Variants in CDSN observed in about 807,000 individuals in gnomAD.
CDSN encodes the protein corneodesmosin, also known as S protein.
CDSN carries 11 observed loss-of-function variants against 25.6 expected under a neutral mutation model. That is an observed-to-expected ratio of 0.43 (90% CI 0.27 to 0.71). The LOEUF is 0.71. Among genes scored for constraint, CDSN ranks in the 30% least tolerant of loss-of-function variants. The probability of loss-of-function intolerance (pLI) is 0.20; values close to 1 mark genes in which losing one functional copy is unlikely to be tolerated. For missense variants in CDSN, 598 were observed against 670.9 expected, an observed-to-expected ratio of 0.89 and a Z score of 1.20; for synonymous variants, 266 against 267.4, an observed-to-expected ratio of 0.99 and a Z score of 0.05.
rs1324622816 is a variant in CDSN, at chr6:31,115,204, G to T, written c.*821C>A. 1 of 303,474 alleles carries T rather than the reference G, an allele frequency of 3.3e-6. No individual in the cohort carries two copies. Among genetic ancestry groups the T allele is most frequent in the Non-Finnish European group, 6.4e-6 (1 of 156,332 alleles). The allele number at this position is 303,474 out of a possible 1,614,324, so 18.8% of individuals were successfully genotyped here. ...GAGGAACACAGAGACCTCTAGAGGCGTAGGAAGAGCACCACCCAGACTCTC... is the reference window on the plus strand; with the variant it reads ...GAGGAACACAGAGACCTCTAGAGGCTTAGGAAGAGCACCACCCAGACTCTC... On this transcript the variant is annotated 3_prime_UTR_variant, in exon 2 of 2. Coordinates refer to ENST00000376288, the MANE Select transcript of CDSN (RefSeq NM_001264.5). This position sits in a 1 kb window ranked among gnomAD's most constrained non-coding sequence, Gnocchi z 4.2.
Position 31,116,489 on chromosome 6 carries a change from C to T in CDSN, c.1126G>A (p.Gly376Arg). Residue 376 changes from glycine to arginine, a missense_variant, in exon 2 of 2, where the codon GGG (glycine) becomes AGG (arginine). By Grantham distance (125) the Gly-to-Arg change is moderately radical. Transcript: ENST00000376288. ...GAGCCGCCTCCACAGAGCTGGACCC[C>T]ACCAGTCCCCACTGGCTGGAATGCA... ...AIAFQPVGTGGVQLCGGGSTG... is the reference protein window; with the variant it reads ...AIAFQPVGTGRVQLCGGGSTG... The T allele has an allele frequency of 1.2e-6, 2 of 1,607,594 alleles. No individual in the cohort carries two copies. Among genetic ancestry groups the T allele is most frequent in the African/African-American group, 1.3e-5 (1 of 74,966 alleles).
chr6:31,118,089 CCAGA>C (rs1464318348), intron 1 of CDSN: 1 of 155,620 alleles, frequency 6.4e-6, no homozygotes, highest in Non-Finnish European at 1.4e-5. Context: ...AAATCCTGGG[CCAGA>C]CAGTGGGACC....
In CDSN at chr6:31,116,305, GA is replaced by G. The variant is rs1772115128; in HGVS notation, c.1309del (p.Ser437ProfsTer29). The G allele has an allele frequency of 6.2e-7, 1 of 1,613,968 alleles. No individual in the cohort carries two copies. Among genetic ancestry groups the G allele is most frequent in the Admixed American group, 1.7e-5 (1 of 60,000 alleles). On this transcript the variant is annotated frameshift_variant, in exon 2 of 2. Coordinates refer to ENST00000376288, the MANE Select transcript of CDSN (RefSeq NM_001264.5). LOFTEE classifies it high-confidence loss of function. ...GTGSFSSSSS[S>X]QSSGKIILQP... ...AAGGATGATTTTGCCACTGGATTGGGAACTGGAGCTGCTGCTGAAGGAGCCG... is the reference window on the plus strand; with the variant it reads ...AAGGATGATTTTGCCACTGGATTGGGACTGGAGCTGCTGCTGAAGGAGCCG...
Position 31,115,584 on chromosome 6 carries a change from G to A in CDSN, c.*441C>T, listed in dbSNP as rs1772065123. On this transcript the variant is annotated 3_prime_UTR_variant, in exon 2 of 2. Transcript: ENST00000376288. This position sits in a 1 kb window ranked among gnomAD's most constrained non-coding sequence, Gnocchi z 4.2. Reference sequence around the variant, plus strand: ...TGAAAAGTGGCCACTGTTTCCAGATGATGGTTTGACTTTGCTTTATTTGGT... The same window carrying A: ...TGAAAAGTGGCCACTGTTTCCAGATAATGGTTTGACTTTGCTTTATTTGGT... The A allele has an allele frequency of 5.4e-6, 1 of 185,114 alleles. No individual in the cohort carries two copies. Among genetic ancestry groups the A allele is most frequent in the Non-Finnish European group, 1.1e-5 (1 of 88,290 alleles). The allele number at this position is 185,114 out of a possible 1,614,324, so 11.5% of individuals were successfully genotyped here. A position where few individuals can be genotyped will look rare whatever the true frequency, so the allele number is the denominator to read the frequency against.
chr6:31,120,060 T>A (rs924850465), intron 1 of CDSN, among the ~76,000 whole-genome samples: 3 of 152,106 alleles, frequency 2.0e-5, no homozygotes, highest in Non-Finnish European at 4.4e-5. Context: ...CCACCACCAT[T>A]TATATAAACC....
rs747442990 is a variant in CDSN at position 31,116,946 on chromosome 6, GGGGATGTCCGAACTACA to G, written c.652_668del (p.Cys218ArgfsTer51). On this transcript the variant is annotated frameshift_variant, in exon 2 of 2. Coordinates refer to ENST00000376288, the MANE Select transcript of CDSN (RefSeq NM_001264.5). LOFTEE classifies it high-confidence loss of function. The stretch of plus-strand genomic sequence containing the variant: ...TGGGCCCTCCACTGCAGGGAGAGTC[GGGGATGTCCGAACTACA>G]GGGACGCTGGTTGGAGCTGACGCTT... 1.2e-6 allele frequency: 2 copies of G among 1,614,170 alleles called. No individual in the cohort carries two copies. The highest frequency in any genetic ancestry group is 1.7e-6 in the Non-Finnish European group (2 of 1,180,026).
chr6:31,116,761 G>A lies in CDSN; in HGVS notation c.854C>T (p.Pro285Leu). ...ATAGGATTTGTCTACAGAGGTGATT[G>A]GGGGACAGGGCTTGCCTGGAAGGCC... ...NGGLPGKPCP[P>L]ITSVDKSYGG... The change falls in exon 2 of 2, where the codon CCA (proline) becomes CTA (leucine). Residue 285 changes from proline (P) to leucine (L), a missense_variant. Transcript: ENST00000376288. 1 of 1,613,220 alleles carries A rather than the reference G, an allele frequency of 6.2e-7. No homozygotes were observed. The highest frequency in any genetic ancestry group is 8.5e-7 in the Non-Finnish European group (1 of 1,180,034).
chr6:31,117,754 G>A, intron 1 of CDSN: 1 of 578,574 alleles, frequency 1.7e-6, no homozygotes, highest in Non-Finnish European at 3.1e-6. Flanking sequence ...ACACCAACCA[G>A]AAAAATAGAA....
At position 31,117,492 on chromosome 6, in the gene CDSN, A is replaced by G. The variant is rs3132552; in HGVS notation, c.123T>C (p.Pro41=). The G allele has an allele frequency of 0.75, 1,164,874 of 1,551,300 alleles. 439,842 individuals are homozygous for G. The highest frequency in any genetic ancestry group is 0.9 in the African/African-American group (65,690 of 73,172). Residue 41 remains proline (P), a synonymous_variant, in exon 2 of 2, where the codon CCT becomes CCC. Coordinates refer to ENST00000376288, the MANE Select transcript of CDSN (RefSeq NM_001264.5). ...LAKSIGTFSD[P]CKDPTRITSP... is the part of the protein sequence containing the mutation. The stretch of plus-strand genomic sequence containing the variant: ...AGGTGATACGCGTGGGGTCCTTACA[A>G]GGGTCTGAGAAGGTGCCAATGCTCT...
chr6:31,117,475 C>G lies in CDSN; in HGVS notation c.140G>C (p.Arg47Pro). Reference sequence around the variant, plus strand: ...GCAGGGGTCGTTAGGGGAGGTGATACGCGTGGGGTCCTTACAAGGGTCTGA... The same window carrying G: ...GCAGGGGTCGTTAGGGGAGGTGATAGGCGTGGGGTCCTTACAAGGGTCTGA... ...TFSDPCKDPT[R>P]ITSPNDPCLT... The change falls in exon 2 of 2, where the codon CGT becomes CCT. Residue 47 changes from arginine to proline, a missense_variant. Transcript: ENST00000376288. 2 of 1,553,032 alleles carry G rather than the reference C, an allele frequency of 1.3e-6. No homozygotes were observed. The highest frequency in any genetic ancestry group is 1.7e-6 in the Non-Finnish European group (2 of 1,148,324).
Position 31,117,452 on chromosome 6 carries a change from A to G in CDSN, c.163T>C (p.Cys55Arg). The G allele has an allele frequency of 6.4e-7, 1 of 1,555,636 alleles. No homozygotes were observed. The highest frequency in any genetic ancestry group is 8.7e-7 in the Non-Finnish European group (1 of 1,149,724). ...CTGGAGTCACCCTTCCCAGTGAGGC[A>G]GGGGTCGTTAGGGGAGGTGATACGC... is the stretch of plus-strand genomic sequence containing the variant. Reference protein sequence around the residue: ...PTRITSPNDPCLTGKGDSSGF... With the variant: ...PTRITSPNDPRLTGKGDSSGF... Residue 55 changes from cysteine (C) to arginine (R), a missense_variant, in exon 2 of 2, where the codon TGC becomes CGC. By Grantham distance (180) the Cys-to-Arg change is radical. Coordinates refer to ENST00000376288, the MANE Select transcript of CDSN (RefSeq NM_001264.5).
Position 31,116,928 on chromosome 6 carries a change from T to C in CDSN, c.687A>G (p.Gly229=). 6.2e-7 allele frequency: 1 copy of C among 1,614,090 alleles called. No individual in the cohort carries two copies. The highest frequency in any genetic ancestry group is 8.5e-7 in the Non-Finnish European group (1 of 1,179,974). The part of the protein sequence containing the change: ...SSDIPDSPCS[G]GPIVSHSGPY... ...GGCCGGAGTGCGAGACGATGGGCCC[T>C]CCACTGCAGGGAGAGTCGGGGATGT... Residue 229 remains glycine, a synonymous_variant, in exon 2 of 2, where the codon GGA becomes GGG. Coordinates refer to ENST00000376288, the MANE Select transcript of CDSN (RefSeq NM_001264.5).
In CDSN at chr6:31,116,370, G is replaced by A. The variant is rs369037215; in HGVS notation, c.1245C>T (p.Cys415=). The part of the protein sequence containing the change: ...SSSSGLPYHP[C]GSASQSPCSP... ...AGCAGGGGCTCTGGGAAGCACTGCC[G>A]CAGGGATGGTAGGGTAAACCGGAGC... is the stretch of plus-strand genomic sequence containing the variant. The change falls in exon 2 of 2, where the codon TGC becomes TGT. Residue 415 remains cysteine, a synonymous_variant. Coordinates refer to ENST00000376288, the MANE Select transcript of CDSN (RefSeq NM_001264.5). The A allele has an allele frequency of 1.3e-5, 21 of 1,609,116 alleles. No homozygotes were observed. Among genetic ancestry groups the A allele is most frequent in the Admixed American group, 1.0e-4 (6 of 58,968 alleles).
chr6:31,115,952 A>T lies in CDSN; in HGVS notation c.*73T>A, dbSNP rs3095297. On this transcript the variant is annotated 3_prime_UTR_variant, in exon 2 of 2. Coordinates refer to ENST00000376288, the MANE Select transcript of CDSN (RefSeq NM_001264.5). This position sits in a 1 kb window ranked among gnomAD's most constrained non-coding sequence, Gnocchi z 4.2. The stretch of plus-strand genomic sequence containing the variant: ...AGCTAACCCTATGCCTGGGCACTGG[A>T]CTTCTCCCATATGGGATATAGTGTA... 1.5e-6 allele frequency: 2 copies of T among 1,360,250 alleles called. No homozygotes were observed. Among genetic ancestry groups the T allele is most frequent in the Admixed American group, 3.4e-5 (2 of 58,922 alleles). The allele number at this position is 1,360,250 out of a possible 1,614,324, so 84.3% of individuals were successfully genotyped here.
chr6:31,117,808 A>G (rs983102007), intron 1 of CDSN: 12 of 467,220 alleles, frequency 2.6e-5, no homozygotes, highest in Middle Eastern at 6.2e-4. Context: ...TACATTGAAT[A>G]TAAGAGGGGG....
chr6:31,115,492 G>A lies in CDSN; in HGVS notation c.*533C>T. The A allele has an allele frequency of 1.2e-5, 2 of 166,698 alleles. 1 individual carries two copies. Among genetic ancestry groups the A allele is most frequent in the South Asian group, 3.1e-4 (2 of 6,514 alleles). The allele number at this position is 166,698 out of a possible 1,614,324, so 10.3% of individuals were successfully genotyped here. On this transcript the variant is annotated 3_prime_UTR_variant, in exon 2 of 2. Transcript: ENST00000376288. The surrounding 1 kb of genome is among the most constrained non-coding windows in gnomAD (Gnocchi z 4.2). ...TGGTGAGCTCTGTAATGGAGGGTGGGGTGGAATTGGGAGCGAGAGCCCAGT... is the reference window on the plus strand; with the variant it reads ...TGGTGAGCTCTGTAATGGAGGGTGGAGTGGAATTGGGAGCGAGAGCCCAGT...
In CDSN at chr6:31,116,189, G is replaced by A; in HGVS notation, c.1426C>T (p.His476Tyr). 1 of 1,613,576 alleles carries A rather than the reference G, an allele frequency of 6.2e-7. No homozygotes were observed. The highest frequency in any genetic ancestry group is 8.5e-7 in the Non-Finnish European group (1 of 1,179,746). ...TLTGGPDGSP[H>Y]PDPSAGAKPC... ...TTGGCACCAGCGGAGGGATCAGGAT[G>A]GGGAGAGCCATCGGGGCCCCCAGTC... is the stretch of plus-strand genomic sequence containing the variant. The change falls in exon 2 of 2, where the codon CAT becomes TAT. Residue 476 changes from histidine to tyrosine, a missense_variant. By Grantham distance (83) the His-to-Tyr change is moderately conservative (BLOSUM62 2). Coordinates refer to ENST00000376288, the MANE Select transcript of CDSN (RefSeq NM_001264.5).
Position 31,115,936 on chromosome 6 carries a change from T to C in CDSN, c.*89A>G, listed in dbSNP as rs1453097123. 1 of 1,194,474 alleles carries C rather than the reference T, an allele frequency of 8.4e-7. No individual in the cohort carries two copies. The highest frequency in any genetic ancestry group is 1.2e-6 in the Non-Finnish European group (1 of 806,666). The allele number at this position is 1,194,474 out of a possible 1,614,324, so 74.0% of individuals were successfully genotyped here. On this transcript the variant is annotated 3_prime_UTR_variant, in exon 2 of 2. Coordinates refer to ENST00000376288, the MANE Select transcript of CDSN (RefSeq NM_001264.5). The surrounding 1 kb of genome is among the most constrained non-coding windows in gnomAD (Gnocchi z 4.2). ...GGAAGGAGGGAAACTGAGCTAACCC[T>C]ATGCCTGGGCACTGGACTTCTCCCA...
intron 1 of CDSN, chr6:31,118,383 G>A (rs1340095647): frequency 6.6e-6 from 1 of 152,504 alleles, no homozygotes; most frequent in Non-Finnish European, 1.5e-5. Flanking sequence ...GCTGGTACCA[G>A]TGTGTCAGGA....
Sources: allele counts gnomAD v4.1 joint callset (sites outside exome capture counted in the v4.1 genomes callset), GRCh38; gene constraint gnomAD v4.1.1; non-coding constraint Gnocchi (gnomAD v3.1); transcripts MANE v1.5; gene names NCBI Gene and HGNC (gene_info 2026-07-23, HGNC 2026-07-21).